Variants in TOM1L2 observed in about 807,000 individuals in gnomAD.
TOM1L2 encodes TOM1-like protein 2.
TOM1L2 carries 31 observed loss-of-function variants against 67.9 expected under a neutral mutation model. The ratio of observed to expected loss-of-function variants is 0.46; its 90% CI spans 0.34 to 0.62. The LOEUF (loss-of-function observed/expected upper bound fraction) is 0.62. TOM1L2 is among the 20% of genes least tolerant of loss of function. The pLI, the probability that TOM1L2 is intolerant of heterozygous loss-of-function variation, is 0.01. For missense variants in TOM1L2, 606 were observed against 663.5 expected (o/e 0.91, Z 0.95); for synonymous variants, 256 against 254.0 (o/e 1.01, Z -0.07).
In TOM1L2 at chr17:17,952,376, C is replaced by CTTTTTTTTT. The variant is rs60388742; in HGVS notation, c.52+19877_52+19885dup. On this transcript the variant is annotated intron_variant, in intron 1 of 14. Coordinates refer to ENST00000379504, the MANE Select transcript of TOM1L2 (RefSeq NM_001082968.2). ...TATACAGTAAGTGCTTCTTTATTTT[C>CTTTTTTTTT]TTTTTTTTTTTTTTTTTTTTTTTTT... 6.2e-3 allele frequency among the ~76,000 whole-genome samples: 498 copies of CTTTTTTTTT among 79,846 alleles called. 11 individuals are homozygous for CTTTTTTTTT. The highest frequency in any genetic ancestry group is 9.2e-3 in the Non-Finnish European group (348 of 37,666). 52.4% of individuals were successfully genotyped at this position (79,846 alleles called of 152,430 possible).
intron 1 of TOM1L2, among the ~76,000 whole-genome samples, chr17:17,911,946 T>C (rs1449614093): frequency 1.4e-5 from 2 of 142,622 alleles, no homozygotes; most frequent in Non-Finnish European, 3.1e-5. Context: ...ACACAGCACA[T>C]GTTTCAGAGA....
intron 1 of TOM1L2, among the ~76,000 whole-genome samples, chr17:17,936,715 T>C (rs979902362): frequency 1.3e-4 from 20 of 152,324 alleles, no homozygotes; most frequent in African/African-American, 2.9e-4. Flanking sequence ...GATTATTCTA[T>C]ATTAAGTGGG....
intron 1 of TOM1L2, among the ~76,000 whole-genome samples, chr17:17,937,819 C>A (rs1383844278): frequency 6.6e-6 from 1 of 152,196 alleles, no homozygotes; most frequent in Non-Finnish European, 1.5e-5. Flanking sequence ...TGGAGGGGGG[C>A]ATGTGGAAAG....
At chr17:17,969,659 G>C (rs1223518943) in intron 1 of TOM1L2, among the ~76,000 whole-genome samples, 1 of 151,980 alleles carries the variant, frequency 6.6e-6, no homozygotes, top group Admixed American at 6.6e-5. Flanking sequence ...GGCCTGGTAG[G>C]GTATTTTCCT....
intron 1 of TOM1L2, among the ~76,000 whole-genome samples, chr17:17,969,274 C>T (rs895987746): frequency 3.9e-5 from 6 of 151,974 alleles, no homozygotes; most frequent in African/African-American, 1.5e-4. Context: ...TCAGGCTGGC[C>T]TCCAACTCCT....
intron 1 of TOM1L2, among the ~76,000 whole-genome samples, chr17:17,941,871 T>C (rs529021335): frequency 6.6e-6 from 1 of 152,094 alleles, no homozygotes; most frequent in African/African-American, 2.4e-5. Context: ...GCACCTATAG[T>C]CCCTGCTACT....
At chr17:17,863,746 G>A (rs902150239) in intron 10 of TOM1L2, among the ~76,000 whole-genome samples, 9 of 151,912 alleles carry the variant, frequency 5.9e-5, no homozygotes, top group Admixed American at 6.6e-5. Context: ...ACAAGGTCTC[G>A]TTATGTTGCC....
chr17:17,855,465 C>A (rs1297846725), intron 12 of TOM1L2, among the ~76,000 whole-genome samples: 1 of 152,214 alleles, frequency 6.6e-6, no homozygotes, highest in African/African-American at 2.4e-5. Flanking sequence ...TAGCTGATCA[C>A]CAGCCAAGAG....
chr17:17,902,412 T>C (rs558712815), intron 2 of TOM1L2, among the ~76,000 whole-genome samples: 1 of 152,336 alleles, frequency 6.6e-6, no homozygotes, highest in Non-Finnish European at 1.5e-5. Context: ...ATACAAGAAG[T>C]GCAGGCAGCA....
At chr17:17,875,362 T>G (rs888227318) in intron 7 of TOM1L2, among the ~76,000 whole-genome samples, 1 of 151,730 alleles carries the variant, frequency 6.6e-6, no homozygotes, top group Non-Finnish European at 1.5e-5. Context: ...GCCACCTGCA[T>G]GTCCTCTGTG....
rs950294262 is a variant in TOM1L2 at position 17,961,744 on chromosome 17, C to T, written c.52+10518G>A. ...AAAATTAGCCGGGCGTGGTGGCAGG[C>T]GCCTGTAGTCCCAGCTACTCGGGAG... On this transcript the variant is annotated intron_variant, in intron 1 of 14. Transcript: ENST00000379504. 5.9e-5 allele frequency among the ~76,000 whole-genome samples: 9 copies of T among 151,918 alleles called. No homozygotes were observed. The East Asian group carries it at 7.7e-4, about 13-fold the overall frequency.
chr17:17,960,034 C>T (rs917758662), intron 1 of TOM1L2, among the ~76,000 whole-genome samples: 3 of 152,204 alleles, frequency 2.0e-5, no homozygotes, highest in Admixed American at 6.5e-5. Flanking sequence ...TAAGAAAGCA[C>T]GTCCTTTGAG....
chr17:17,931,192 T>C (rs922832029), intron 1 of TOM1L2, among the ~76,000 whole-genome samples: 1 of 152,136 alleles, frequency 6.6e-6, no homozygotes, highest in Non-Finnish European at 1.5e-5. Context: ...CCCCACCTTT[T>C]CGTTACTACC....
At chr17:17,915,551 A>G (rs2039591153) in intron 1 of TOM1L2, among the ~76,000 whole-genome samples, 1 of 152,062 alleles carries the variant, frequency 6.6e-6, no homozygotes, top group Non-Finnish European at 1.5e-5. Flanking sequence ...TTTGTCACCT[A>G]GAATGGAGTG....
At chr17:17,876,823 C>G (rs755357637) in intron 7 of TOM1L2, among the ~76,000 whole-genome samples, 8 of 152,202 alleles carry the variant, frequency 5.3e-5, no homozygotes, top group Non-Finnish European at 1.0e-4. Flanking sequence ...ACCAAGATGT[C>G]CATTTGAAAG....
At chr17:17,954,654 AT>A (rs1471667895) in intron 1 of TOM1L2, among the ~76,000 whole-genome samples, 1 of 152,104 alleles carries the variant, frequency 6.6e-6, no homozygotes, top group East Asian at 1.9e-4. Context: ...AGTTCCAGAA[AT>A]TTTCTGGTAG....
At chr17:17,932,045 T>G (rs902317351) in intron 1 of TOM1L2, among the ~76,000 whole-genome samples, 1 of 152,224 alleles carries the variant, frequency 6.6e-6, no homozygotes, top group African/African-American at 2.4e-5. Context: ...ATGGCTAATT[T>G]GGTACAACAT....
intron 3 of TOM1L2, among the ~76,000 whole-genome samples, chr17:17,894,217 C>T (rs2038442992): frequency 6.6e-6 from 1 of 152,180 alleles, no homozygotes; most frequent in Admixed American, 6.5e-5. Flanking sequence ...GAGGAGGCTG[C>T]TATGACAGCT....
Position 17,882,689 on chromosome 17 carries a change from C to A in TOM1L2, c.660+16G>T. The A allele has an allele frequency of 6.2e-7, 1 of 1,612,148 alleles. No individual in the cohort carries two copies. Among genetic ancestry groups the A allele is most frequent in the South Asian group, 1.1e-5 (1 of 91,044 alleles). On this transcript the variant is annotated intron_variant, in intron 6 of 14. Transcript: ENST00000379504. The stretch of plus-strand genomic sequence containing the variant: ...TAGTCAGCTGGCTTGCCTATGGCCC[C>A]GAAGTATGCAAGTACCTGTTCTGAA...
Sources: gnomAD v4.1 joint callset for allele counts (sites outside exome capture counted in the v4.1 genomes callset) on GRCh38, gnomAD v4.1.1 for gene constraint, MANE v1.5 for transcripts, NCBI Gene and HGNC (gene_info 2026-07-23, HGNC 2026-07-21) for gene names.